The following FBXL19 variants were observed in gnomAD, a reference collection of about 807,000 sequenced individuals.
FBXL19 encodes the protein F-box/LRR-repeat protein 19.
In FBXL19, 16 loss-of-function variants were observed where a neutral mutation model predicts 71.2. The ratio of observed to expected loss-of-function variants is 0.22; its 90% CI spans 0.15 to 0.34. The LOEUF (loss-of-function observed/expected upper bound fraction) is 0.34. Ranked by LOEUF, FBXL19 falls within the 10% of genes least tolerant of loss-of-function variation. The pLI, the probability that FBXL19 is intolerant of heterozygous loss-of-function variation, is 1.00. For missense variants in FBXL19, 658 were observed against 968.2 expected (o/e 0.68, Z 4.25); for synonymous variants, 447 against 409.4 (o/e 1.09, Z -1.11).
chr16:30,947,890 T>C lies in FBXL19; in HGVS notation c.*660T>C, dbSNP rs968306193. The C allele has an allele frequency of 3.3e-5, 15 of 454,704 alleles. 1 individual carries two copies. Among genetic ancestry groups the C allele is most frequent in the Admixed American group, 3.1e-4 (13 of 42,446 alleles). 28.2% of individuals were successfully genotyped at this position (454,704 alleles called of 1,614,324 possible). A position where few individuals can be genotyped will look rare whatever the true frequency, so the allele number is the denominator to read the frequency against. Reference sequence around the variant, plus strand: ...CTGACCCTGACTCCTTGAACGTCACTGAAAACGGCAGCTATTGCAAGGAGT... The same window carrying C: ...CTGACCCTGACTCCTTGAACGTCACCGAAAACGGCAGCTATTGCAAGGAGT... On this transcript the variant is annotated 3_prime_UTR_variant, in exon 11 of 11. Coordinates refer to ENST00000338343, the MANE Select transcript of FBXL19 (RefSeq NM_001382779.1).
chr16:30,942,608 C>A lies in FBXL19; in HGVS notation c.1627+72C>A. On this transcript the variant is annotated intron_variant, in intron 9 of 10. Transcript: ENST00000338343. This position sits in a 1 kb window ranked among gnomAD's most constrained non-coding sequence, Gnocchi z 5.7. ...GGGTAGGAGGCCTCTCAGGTCTCTT[C>A]TGACTCATGCTGGATGGTAAAGTAT... The A allele has an allele frequency of 1.4e-6, 2 of 1,456,976 alleles. No individual in the cohort carries two copies. The highest frequency in any genetic ancestry group is 1.8e-6 in the Non-Finnish European group (2 of 1,105,092). The allele number at this position is 1,456,976 out of a possible 1,614,324, so 90.3% of individuals were successfully genotyped here.
intron 9 of FBXL19, among the ~76,000 whole-genome samples, chr16:30,944,452 G>A (rs1567342273): frequency 6.6e-6 from 1 of 151,962 alleles, no homozygotes; most frequent in Non-Finnish European, 1.5e-5. Flanking sequence ...TGCAATTTCT[G>A]TTCCTGCATT....
Position 30,925,756 on chromosome 16 carries a change from TGTC to T in FBXL19, c.7_9del (p.Ser5?). 2.0e-6 allele frequency: 3 copies of T among 1,485,230 alleles called. No homozygotes were observed. The highest frequency in any genetic ancestry group is 2.6e-5 in the Admixed American group (1 of 37,946). The allele number at this position is 1,485,230 out of a possible 1,614,324, so 92.0% of individuals were successfully genotyped here. A position where few individuals can be genotyped will look rare whatever the true frequency, so the allele number is the denominator to read the frequency against. ...CCCTCGGCGTTGCTGACGCCCCCAATGTCGTCGAGCAGCCGGGGGCCGGGGGCC... is the reference window on the plus strand; with the variant it reads ...CCCTCGGCGTTGCTGACGCCCCCAATGTCGAGCAGCCGGGGGCCGGGGGCC... On this transcript the variant is annotated start_lost and inframe_deletion, in exon 2 of 11. Transcript: ENST00000338343. This position sits in a 1 kb window ranked among gnomAD's most constrained non-coding sequence, Gnocchi z 5.0.
Position 30,930,116 on chromosome 16 carries a change from C to A in FBXL19, c.833C>A (p.Pro278Gln). ...GCCTCTGCAGAGGGCCCAGCGGTGC[C>A]GTCCCCGTCCCCGCAGAGGGAGAAG... ...PLASAEGPAVPSPSPQREKLE... is the reference protein window; with the variant it reads ...PLASAEGPAVQSPSPQREKLE... Residue 278 changes from proline to glutamine, a missense_variant, in exon 7 of 11, where the codon CCG becomes CAG. Coordinates refer to ENST00000338343, the MANE Select transcript of FBXL19 (RefSeq NM_001382779.1). This position sits in a 1 kb window ranked among gnomAD's most constrained non-coding sequence, Gnocchi z 8.5. 1 of 1,613,552 alleles carries A rather than the reference C, an allele frequency of 6.2e-7. No homozygotes were observed. Among genetic ancestry groups the A allele is most frequent in the South Asian group, 1.1e-5 (1 of 91,084 alleles).
At position 30,930,443 on chromosome 16, in the gene FBXL19, G is replaced by A. The variant is rs1280715369; in HGVS notation, c.1160G>A (p.Arg387Gln). 5 of 1,532,330 alleles carry A rather than the reference G, an allele frequency of 3.3e-6. No homozygotes were observed. Among genetic ancestry groups the A allele is most frequent in the Non-Finnish European group, 2.6e-6 (3 of 1,144,844 alleles). 94.9% of individuals were successfully genotyped at this position (1,532,330 alleles called of 1,614,324 possible). ...CGGCACGTGGTGCGGCCCCCGCCTC[G>A]AAGCCCTGAGCCCGACACACTCCCC... The part of the protein sequence containing the change: ...LERHVVRPPP[R>Q]SPEPDTLPLA... Residue 387 changes from arginine (R) to glutamine (Q), a missense_variant, in exon 7 of 11, where the codon CGA becomes CAA. Physicochemically the swap from Arg to Gln is conservative, Grantham distance 43. Coordinates refer to ENST00000338343, the MANE Select transcript of FBXL19 (RefSeq NM_001382779.1). This position sits in a 1 kb window ranked among gnomAD's most constrained non-coding sequence, Gnocchi z 8.5.
At chr16:30,943,670 G>T (rs145594363) in intron 9 of FBXL19, among the ~76,000 whole-genome samples, 1 of 151,944 alleles carries the variant, frequency 6.6e-6, no homozygotes, top group Non-Finnish European at 1.5e-5. Flanking sequence ...CACCGCACCC[G>T]GCCTGTAATT....
chr16:30,928,731 GC>G, intron 6 of FBXL19, 103 bp downstream of exon 6: 2 of 749,044 alleles, frequency 2.7e-6, no homozygotes, highest in Non-Finnish European at 3.2e-6. Flanking sequence ...TTCTGCCCCA[GC>G]CCCACTTGGC....
Position 30,947,278 on chromosome 16 carries a change from C to T in FBXL19, c.*48C>T, listed in dbSNP as rs769552235. On this transcript the variant is annotated 3_prime_UTR_variant, in exon 11 of 11. Transcript: ENST00000338343. ...CGGACTCGACAGGAGCCTGGACCTCCGGCTTCATTTCACCCCTGCTGGGAG... is the reference window on the plus strand; with the variant it reads ...CGGACTCGACAGGAGCCTGGACCTCTGGCTTCATTTCACCCCTGCTGGGAG... The T allele has an allele frequency of 1.4e-5, 20 of 1,447,914 alleles. No homozygotes were observed. Among genetic ancestry groups the T allele is most frequent in the Admixed American group, 9.0e-5 (4 of 44,576 alleles). 89.7% of individuals were successfully genotyped at this position (1,447,914 alleles called of 1,614,324 possible).
intron 7 of FBXL19, among the ~76,000 whole-genome samples, chr16:30,932,174 A>G (rs1555487044): frequency 6.6e-6 from 1 of 152,238 alleles, no homozygotes; most frequent in Non-Finnish European, 1.5e-5. Context: ...AACTGAGCAC[A>G]GTACCTGGGA....
rs2055871380 is a variant in FBXL19, at chr16:30,947,323, A to C, written c.*93A>C. On this transcript the variant is annotated 3_prime_UTR_variant, in exon 11 of 11. Coordinates refer to ENST00000338343, the MANE Select transcript of FBXL19 (RefSeq NM_001382779.1). The stretch of plus-strand genomic sequence containing the variant: ...TGGGAGGCCAGGTTCCCACCTCACC[A>C]CCCTGGGATTCCTGAGTGTCAGTGA... 1.8e-6 allele frequency: 2 copies of C among 1,086,464 alleles called. No individual in the cohort carries two copies. The highest frequency in any genetic ancestry group is 1.6e-5 in the African/African-American group (1 of 61,420). The allele number at this position is 1,086,464 out of a possible 1,614,324, so 67.3% of individuals were successfully genotyped here. A position where few individuals can be genotyped will look rare whatever the true frequency, so the allele number is the denominator to read the frequency against.
At chr16:30,938,222 C>T (rs2055759603) in intron 7 of FBXL19, among the ~76,000 whole-genome samples, 1 of 152,002 alleles carries the variant, frequency 6.6e-6, no homozygotes, top group Non-Finnish European at 1.5e-5. Flanking sequence ...TTCTCTAAAA[C>T]GTCACACCAG....
chr16:30,928,252 A>G (rs1008898026), intron 5 of FBXL19, among the ~76,000 whole-genome samples: 2 of 150,812 alleles, frequency 1.3e-5, no homozygotes, highest in Non-Finnish European at 3.0e-5. Context: ...GAGAGGAGGG[A>G]GGGGCTGGAG....
chr16:30,940,621 G>A lies in FBXL19; in HGVS notation c.1302-1495G>A, dbSNP rs190202803. On this transcript the variant is annotated intron_variant, in intron 7 of 10. Transcript: ENST00000338343. ...TGGGGAAGGATTCCTGGGGAAGTAC[G>A]TTTGAGAGGCCCTTCTCCAGTTCAC... Among the ~76,000 whole-genome samples, 9 of 152,138 alleles carry A rather than the reference G, an allele frequency of 5.9e-5. No individual in the cohort carries two copies. The East Asian group carries it at 1.5e-3, about 26-fold the overall frequency.
rs987631842 is a variant in FBXL19 at position 30,947,587 on chromosome 16, C to G, written c.*357C>G. 1.4e-5 allele frequency: 4 copies of G among 276,474 alleles called. No individual in the cohort carries two copies. The highest frequency in any genetic ancestry group is 1.1e-4 in the South Asian group (4 of 37,028). 17.1% of individuals were successfully genotyped at this position (276,474 alleles called of 1,614,324 possible). On this transcript the variant is annotated 3_prime_UTR_variant, in exon 11 of 11. Coordinates refer to ENST00000338343, the MANE Select transcript of FBXL19 (RefSeq NM_001382779.1). ...AAGGACACACACAGGATATGGGAGC[C>G]AGGGGCTGGGGGAGGTGGAAGGGGC...
chr16:30,928,076 A>G, intron 5 of FBXL19, 113 bp downstream of exon 5: 3 of 679,112 alleles, frequency 4.4e-6, no homozygotes, highest in Non-Finnish European at 7.0e-6. Flanking sequence ...GGGTTCCCCA[A>G]GGACTGTTGG....
At position 30,930,043 on chromosome 16, in the gene FBXL19, T is replaced by C; in HGVS notation, c.790-30T>C. 2 of 1,596,884 alleles carry C rather than the reference T, an allele frequency of 1.3e-6. No homozygotes were observed. The highest frequency in any genetic ancestry group is 2.2e-5 in the East Asian group (1 of 44,616). On this transcript the variant is annotated intron_variant, in intron 6 of 10. Transcript: ENST00000338343. The surrounding 1 kb of genome is among the most constrained non-coding windows in gnomAD (Gnocchi z 8.5). ...GGGTGGGAAAATGTATCCCAGGCCC[T>C]AGAACAGCATCAACCCTGTCTCCCT...
In FBXL19 at chr16:30,941,082, G is replaced by A. The variant is rs536072099; in HGVS notation, c.1302-1034G>A. On this transcript the variant is annotated intron_variant, in intron 7 of 10. Transcript: ENST00000338343. ...AGCTTCAATACTTGGGACCTATAAC[G>A]CTTTCTATAATCAGAGTGAATAAAT... Among the ~76,000 whole-genome samples the A allele has an allele frequency of 8.5e-5, 13 of 152,276 alleles. 1 individual carries two copies. The highest frequency in any genetic ancestry group is 1.2e-4 in the Non-Finnish European group (8 of 68,026).
intron 7 of FBXL19, among the ~76,000 whole-genome samples, chr16:30,932,731 C>T (rs1169200221): frequency 3.3e-5 from 5 of 151,996 alleles, no homozygotes; most frequent in African/African-American, 4.8e-5. Flanking sequence ...GAAAAGGACA[C>T]GAGCCGGGCA....
Position 30,946,018 on chromosome 16 carries a change from T to C in FBXL19, c.1628-712T>C, listed in dbSNP as rs1372177651. On this transcript the variant is annotated intron_variant, in intron 9 of 10. Transcript: ENST00000338343. The surrounding 1 kb of genome is among the most constrained non-coding windows in gnomAD (Gnocchi z 6.7). ...TAAAGAAATACCTTCGGCTGGGTAA[T>C]TTATAAAGAAAAGAGGTTGAATTGG... Among the ~76,000 whole-genome samples the C allele has an allele frequency of 6.6e-6, 1 of 152,012 alleles. No individual in the cohort carries two copies. The highest frequency in any genetic ancestry group is 2.4e-5 in the African/African-American group (1 of 41,368).
Sources: allele counts gnomAD v4.1 joint callset (sites outside exome capture counted in the v4.1 genomes callset), GRCh38; gene constraint gnomAD v4.1.1; non-coding constraint Gnocchi (gnomAD v3.1); transcripts MANE v1.5; gene names NCBI Gene and HGNC (gene_info 2026-07-23, HGNC 2026-07-21).